Variants in MCF2L2 observed in about 807,000 individuals in gnomAD.
The protein encoded by MCF2L2 is probable guanine nucleotide exchange factor MCF2L2.
Under a neutral mutation model 150.2 loss-of-function variants are expected in MCF2L2, and 102 were observed. The observed-to-expected ratio is 0.68, with a 90% CI of 0.58 to 0.80. The LOEUF is 0.80. MCF2L2 is among the 30% of genes least tolerant of loss of function. MCF2L2 has a pLI of 0.00. For synonymous variants in MCF2L2, 465 were observed against 491.3 expected (o/e 0.95, Z 0.71); for missense variants, 1,256 against 1,372.8 (o/e 0.91, Z 1.34).
intron 5 of MCF2L2, among the ~76,000 whole-genome samples, chr3:183,333,355 G>C (rs976675757): frequency 2.0e-5 from 3 of 152,102 alleles, no homozygotes; most frequent in African/African-American, 7.2e-5. Flanking sequence ...CCCTCTTTCA[G>C]AGTAATTTTA....
At chr3:183,288,749 G>C (rs1400805489) in intron 14 of MCF2L2, among the ~76,000 whole-genome samples, 2 of 151,974 alleles carry the variant, frequency 1.3e-5, no homozygotes, top group Non-Finnish European at 2.9e-5. Flanking sequence ...CAAAGTGCTG[G>C]GATTACAGGC....
intron 5 of MCF2L2, among the ~76,000 whole-genome samples, chr3:183,331,583 C>G (rs140068645): frequency 2.0e-5 from 3 of 152,314 alleles, no homozygotes; most frequent in Non-Finnish European, 2.9e-5. Context: ...TATTCTGACA[C>G]AAACTCCATT....
intron 15 of MCF2L2, chr3:183,272,689 A>G (rs1298378385): frequency 9.9e-7 from 1 of 1,008,926 alleles, no homozygotes; most frequent in African/African-American, 1.7e-5. Context: ...AATTAAAAAA[A>G]CATAGAGAAC....
intron 11 of MCF2L2, chr3:183,297,417 TTAACAG>T (rs1394560615): frequency 4.6e-6 from 2 of 435,388 alleles, no homozygotes; most frequent in Non-Finnish European, 8.4e-6. Context: ...GTCTCTTCCA[TTAACAG>T]TAATTGCTAC....
At chr3:183,265,258 T>C (rs1301314226) in intron 15 of MCF2L2, 1 of 152,246 alleles carries the variant, frequency 6.6e-6, no homozygotes, top group African/African-American at 2.4e-5. Context: ...GTTTCTAGTC[T>C]GTTGATTGGC....
chr3:183,275,227 C>G (rs1727094846), intron 15 of MCF2L2, among the ~76,000 whole-genome samples: 1 of 152,112 alleles, frequency 6.6e-6, no homozygotes, highest in Non-Finnish European at 1.5e-5. Context: ...TGAAGGCAAC[C>G]ATGCCTTGTA....
rs1727341223 is a variant in MCF2L2 at position 183,279,215 on chromosome 3, G to A, written c.1777-2258C>T. Reference sequence around the variant, plus strand: ...TTTTCATTTACATCGTAACTGATGAGATATCTTTTATTTTTATTTGCTTAA... The same window carrying A: ...TTTTCATTTACATCGTAACTGATGAAATATCTTTTATTTTTATTTGCTTAA... On this transcript the variant is annotated intron_variant, in intron 14 of 29. Transcript: ENST00000328913. 7.9e-5 allele frequency among the ~76,000 whole-genome samples: 12 copies of A among 151,772 alleles called. No individual in the cohort carries two copies. In the South Asian group the frequency reaches 2.5e-3, roughly 32 times the overall value.
chr3:183,228,393 T>G lies in MCF2L2; in HGVS notation c.2046-27A>C, dbSNP rs1723427683. The G allele has an allele frequency of 2.0e-6, 3 of 1,505,038 alleles. No homozygotes were observed. In the East Asian group the frequency reaches 6.8e-5, roughly 34 times the overall value. The allele number at this position is 1,505,038 out of a possible 1,614,324, so 93.2% of individuals were successfully genotyped here. On this transcript the variant is annotated intron_variant, in intron 17 of 29. Coordinates refer to ENST00000328913, the MANE Select transcript of MCF2L2 (RefSeq NM_015078.4). ...TAGAAAAATAAAAGTATACAAGTAATAATGTTTTGATTTTGACATGTAGGT... is the reference window on the plus strand; with the variant it reads ...TAGAAAAATAAAAGTATACAAGTAAGAATGTTTTGATTTTGACATGTAGGT...
intron 15 of MCF2L2, among the ~76,000 whole-genome samples, chr3:183,246,315 T>A (rs912814531): frequency 6.6e-6 from 1 of 152,182 alleles, no homozygotes; most frequent in African/African-American, 2.4e-5. Flanking sequence ...CATCCCAAAC[T>A]GAATCTCTGT....
intron 1 of MCF2L2, among the ~76,000 whole-genome samples, chr3:183,416,659 T>C (rs776135880): frequency 8.3e-4 from 126 of 152,166 alleles, no homozygotes; most frequent in Admixed American, 2.0e-4. Context: ...ATTGGCCCTC[T>C]GTATCTGTGG....
At chr3:183,262,592 G>A (rs1329290714) in intron 15 of MCF2L2, among the ~76,000 whole-genome samples, 1 of 152,044 alleles carries the variant, frequency 6.6e-6, no homozygotes, top group African/African-American at 2.4e-5. Flanking sequence ...TTTATAGAGG[G>A]AATGGTGAGT....
chr3:183,242,464 T>C (rs887658344), intron 15 of MCF2L2, among the ~76,000 whole-genome samples: 1 of 152,220 alleles, frequency 6.6e-6, no homozygotes, highest in African/African-American at 2.4e-5. Context: ...GCATGCCAGT[T>C]GCTCCAGCCA....
Position 183,227,046 on chromosome 3 carries a change from A to ACT in MCF2L2, c.2115+1250_2115+1251insAG, listed in dbSNP as rs1723369119. 1 of 152,226 alleles carries ACT rather than the reference A, an allele frequency of 6.6e-6. No homozygotes were observed. Among genetic ancestry groups the ACT allele is most frequent in the Non-Finnish European group, 1.5e-5 (1 of 68,040 alleles). 9.4% of individuals were successfully genotyped at this position (152,226 alleles called of 1,614,324 possible). ...GGCTTTGTTTGCTTCCAGTTATCAT[A>ACT]AGTATTGCTCTCAGCCTCAGTCATA... On this transcript the variant is annotated intron_variant, in intron 18 of 29. Transcript: ENST00000328913. This position sits in a 1 kb window ranked among gnomAD's most constrained non-coding sequence, Gnocchi z 4.0.
At chr3:183,382,603 G>A (rs376407991) in intron 2 of MCF2L2, among the ~76,000 whole-genome samples, 29 of 152,202 alleles carry the variant, frequency 1.9e-4, no homozygotes, top group South Asian at 8.3e-4. Context: ...GAGGAAACGC[G>A]GTAATGCAAT....
In MCF2L2 at chr3:183,353,071, G is replaced by A. The variant is rs140572337; in HGVS notation, c.276-11441C>T. Reference sequence around the variant, plus strand: ...GAGTTGGTAATTGTTGAAGCTGGGTGATAGAAACATAGGTGTTTATTATAC... The same window carrying A: ...GAGTTGGTAATTGTTGAAGCTGGGTAATAGAAACATAGGTGTTTATTATAC... On this transcript the variant is annotated intron_variant, in intron 3 of 29. Coordinates refer to ENST00000328913, the MANE Select transcript of MCF2L2 (RefSeq NM_015078.4). Among the ~76,000 whole-genome samples the A allele has an allele frequency of 6.8e-3, 1,039 of 152,286 alleles. 9 individuals carry two copies. The highest frequency in any genetic ancestry group is 0.024 in the African/African-American group (1,001 of 41,566).
intron 1 of MCF2L2, among the ~76,000 whole-genome samples, chr3:183,413,528 C>T (rs1715429489): frequency 6.6e-6 from 1 of 152,144 alleles, no homozygotes; most frequent in East Asian, 1.9e-4. Context: ...ACTGTTTGTC[C>T]AGGCAGTTAC....
Position 183,182,359 on chromosome 3 carries a change from G to A in MCF2L2, c.3017-2200C>T, listed in dbSNP as rs534903233. Reference sequence around the variant, plus strand: ...GGGGATGCCTGGAGCACCACGGGGGGCCTGGTTTAGTCTAGAGCCAGGTTT... The same window carrying A: ...GGGGATGCCTGGAGCACCACGGGGGACCTGGTTTAGTCTAGAGCCAGGTTT... On this transcript the variant is annotated intron_variant, in intron 27 of 29. Coordinates refer to ENST00000328913, the MANE Select transcript of MCF2L2 (RefSeq NM_015078.4). 5.2e-3 allele frequency: 790 copies of A among 152,412 alleles called. 3 individuals carry two copies. Among genetic ancestry groups the A allele is most frequent in the Non-Finnish European group, 9.0e-3 (613 of 68,136 alleles). 9.4% of individuals were successfully genotyped at this position (152,412 alleles called of 1,614,324 possible).
intron 15 of MCF2L2, among the ~76,000 whole-genome samples, chr3:183,249,465 A>G (rs1457480739): frequency 6.6e-6 from 1 of 152,024 alleles, no homozygotes; most frequent in African/African-American, 2.4e-5. Flanking sequence ...CACATAAGAG[A>G]TTTCCTTATG....
chr3:183,347,666 G>T (rs1730954004), intron 3 of MCF2L2, among the ~76,000 whole-genome samples: 1 of 152,054 alleles, frequency 6.6e-6, no homozygotes, highest in African/African-American at 2.4e-5. Context: ...CTGACAAAGG[G>T]CTAATATCCA....
Sources: gnomAD v4.1 joint callset for allele counts (sites outside exome capture counted in the v4.1 genomes callset) on GRCh38, gnomAD v4.1.1 for gene constraint, Gnocchi (gnomAD v3.1) non-coding constraint, MANE v1.5 for transcripts, NCBI Gene and HGNC (gene_info 2026-07-23, HGNC 2026-07-21) for gene names.